The following GFRA1 variants were observed in gnomAD, a reference collection of about 807,000 sequenced individuals.
The protein encoded by GFRA1 is GDNF family receptor alpha-1.
Under a neutral mutation model 51.6 loss-of-function variants are expected in GFRA1, and 16 were observed. That is an observed-to-expected ratio of 0.31 (90% CI 0.21 to 0.47). The LOEUF (loss-of-function observed/expected upper bound fraction) is 0.47, where lower values mean the gene tolerates loss of function less well. GFRA1 is among the 20% of genes least tolerant of loss of function. The pLI is 1.00. For missense variants in GFRA1, 530 were observed against 594.3 expected, an observed-to-expected ratio of 0.89 and a Z score of 1.13; for synonymous variants, 270 against 241.3, an observed-to-expected ratio of 1.12 and a Z score of -1.10.
chr10:116,198,918 T>A (rs946809945), intron 5 of GFRA1, among the ~76,000 whole-genome samples: 2 of 152,158 alleles, frequency 1.3e-5, no homozygotes, highest in Admixed American at 6.5e-5. Context: ...AAGCCCTAAA[T>A]CCCAAATGAC....
At chr10:116,231,867 C>T (rs901416613) in intron 4 of GFRA1, among the ~76,000 whole-genome samples, 5 of 152,198 alleles carry the variant, frequency 3.3e-5, no homozygotes, top group Admixed American at 6.5e-5. Context: ...CGAATTCAAC[C>T]AAGTTGTGAA....
intron 10 of GFRA1, among the ~76,000 whole-genome samples, chr10:116,064,893 T>C (rs1955025718): frequency 6.6e-6 from 1 of 152,174 alleles, no homozygotes; most frequent in African/African-American, 2.4e-5. Context: ...ACTGACAGCG[T>C]TGGAGACAGG....
Position 116,231,154 on chromosome 10 carries a change from C to T in GFRA1, c.419-19509G>A, listed in dbSNP as rs138155237. On this transcript the variant is annotated intron_variant, in intron 4 of 10. Transcript: ENST00000355422. ...AAATGTTCACAGCTGGACTTTAAGC[C>T]GATGCCTGAAAAAGATGCAGGGATT... Among the ~76,000 whole-genome samples, 873 of 152,254 alleles carry T rather than the reference C, an allele frequency of 5.7e-3. 10 individuals carry two copies. The highest frequency in any genetic ancestry group is 0.019 in the African/African-American group (807 of 41,548).
At chr10:116,088,896 G>GGGT (rs1956211683) in intron 9 of GFRA1, among the ~76,000 whole-genome samples, 1 of 128,086 alleles carries the variant, frequency 7.8e-6, no homozygotes. Context: ...ACTCCAGCCT[G>GGGT]GGTGACACAG....
intron 4 of GFRA1, among the ~76,000 whole-genome samples, chr10:116,214,064 C>T (rs180801973): frequency 6.6e-6 from 1 of 152,160 alleles, no homozygotes; most frequent in Admixed American, 6.5e-5. Context: ...TGCCACTGCC[C>T]AGAGACTGTG....
At chr10:116,228,167 C>A (rs1013828673) in intron 4 of GFRA1, among the ~76,000 whole-genome samples, 1 of 152,212 alleles carries the variant, frequency 6.6e-6, no homozygotes, top group Non-Finnish European at 1.5e-5. Flanking sequence ...TCCCACCACC[C>A]CATTATCTCC....
chr10:116,062,297 A>T lies in GFRA1; in HGVS notation c.*2101T>A. ...TACACTCTGTAAGAGATATGCGCTC[A>T]TAGATAACTGGCATTCCAAATATTT... On this transcript the variant is annotated 3_prime_UTR_variant, in exon 11 of 11. Coordinates refer to ENST00000355422, the MANE Select transcript of GFRA1 (RefSeq NM_005264.8). 2.5e-6 allele frequency: 1 copy of T among 395,836 alleles called. No individual in the cohort carries two copies. The highest frequency in any genetic ancestry group is 4.4e-6 in the Non-Finnish European group (1 of 224,766). The allele number at this position is 395,836 out of a possible 1,614,324, so 24.5% of individuals were successfully genotyped here. A position where few individuals can be genotyped will look rare whatever the true frequency, so the allele number is the denominator to read the frequency against.
chr10:116,092,199 G>A (rs943965793), intron 8 of GFRA1, among the ~76,000 whole-genome samples: 3 of 150,716 alleles, frequency 2.0e-5, no homozygotes, highest in Admixed American at 2.0e-4. Context: ...CCCCAATGTC[G>A]TAGTGAAGGT....
intron 4 of GFRA1, among the ~76,000 whole-genome samples, chr10:116,236,933 G>A (rs1378760584): frequency 6.6e-6 from 1 of 152,192 alleles, no homozygotes; most frequent in African/African-American, 2.4e-5. Flanking sequence ...GCTTATTTTT[G>A]AGCCAGGCCT....
chr10:116,068,815 A>AAT (rs1430626410), intron 9 of GFRA1, among the ~76,000 whole-genome samples: 1 of 151,634 alleles, frequency 6.6e-6, no homozygotes, highest in Admixed American at 6.6e-5. Flanking sequence ...AAACAGATAA[A>AAT]ATTGCAGGGC....
chr10:116,243,466 T>C (rs967165041), intron 4 of GFRA1, among the ~76,000 whole-genome samples: 2 of 150,634 alleles, frequency 1.3e-5, no homozygotes, highest in African/African-American at 4.9e-5. Context: ...TACAGGTATA[T>C]AGACAATCTT....
chr10:116,093,932 T>C, intron 7 of GFRA1, 96 bp from the exon 8 acceptor site: 4 of 1,178,156 alleles, frequency 3.4e-6, no homozygotes, highest in Non-Finnish European at 5.1e-6. Flanking sequence ...GGATGCACCG[T>C]GGATAATTAC....
At chr10:116,270,293 T>G (rs1399946967) in intron 3 of GFRA1, among the ~76,000 whole-genome samples, 2 of 152,200 alleles carry the variant, frequency 1.3e-5, no homozygotes, top group African/African-American at 2.4e-5. Flanking sequence ...TAATCTAAGA[T>G]GACAAATGGA....
intron 5 of GFRA1, among the ~76,000 whole-genome samples, chr10:116,180,333 T>C (rs1962089306): frequency 6.6e-6 from 1 of 152,210 alleles, no homozygotes; most frequent in African/African-American, 2.4e-5. Context: ...CAAATACTTA[T>C]ACTGTCCTCA....
In GFRA1 at chr10:116,058,041, T is replaced by TGTGTGTGTGTGTGTGTGAGAGAGA. The variant is rs557175351; in HGVS notation, c.*6356_*6357insTCTCTCTCACACACACACACACAC. The TGTGTGTGTGTGTGTGTGAGAGAGA allele has an allele frequency of 9.2e-6, 1 of 108,444 alleles. No homozygotes were observed. Among genetic ancestry groups the TGTGTGTGTGTGTGTGTGAGAGAGA allele is most frequent in the African/African-American group, 3.8e-5 (1 of 26,588 alleles). The allele number at this position is 108,444 out of a possible 1,614,324, so 6.7% of individuals were successfully genotyped here. A position where few individuals can be genotyped will look rare whatever the true frequency, so the allele number is the denominator to read the frequency against. On this transcript the variant is annotated 3_prime_UTR_variant, in exon 11 of 11. Coordinates refer to ENST00000355422, the MANE Select transcript of GFRA1 (RefSeq NM_005264.8). ...GTGTGTGTGTGTGTGTGTGTGTGTG[T>TGTGTGTGTGTGTGTGTGAGAGAGA]GACAGAGAGAACCACGCTTTATTGG...
chr10:116,185,954 A>G (rs778104472), intron 5 of GFRA1, among the ~76,000 whole-genome samples: 1 of 152,146 alleles, frequency 6.6e-6, no homozygotes, highest in African/African-American at 2.4e-5. Flanking sequence ...AGTCTGGTAT[A>G]CCTCCAGGAA....
chr10:116,202,181 G>C (rs1964388155), intron 5 of GFRA1, among the ~76,000 whole-genome samples: 1 of 152,190 alleles, frequency 6.6e-6, no homozygotes, highest in Non-Finnish European at 1.5e-5. Flanking sequence ...GGTGTGGGAA[G>C]CCAGATGTGT....
rs1565545276 is a variant in GFRA1, at chr10:116,062,971, T to C, written c.*1427A>G. ...CCTTCTCTTCTAACATGGTCTGCAG[T>C]CTGTCACGGAGGACATGAAACAAGA... On this transcript the variant is annotated 3_prime_UTR_variant, in exon 11 of 11. Coordinates refer to ENST00000355422, the MANE Select transcript of GFRA1 (RefSeq NM_005264.8). 1 of 152,374 alleles carries C rather than the reference T, an allele frequency of 6.6e-6. No homozygotes were observed. Among genetic ancestry groups the C allele is most frequent in the East Asian group, 1.9e-4 (1 of 5,180 alleles). 9.4% of individuals were successfully genotyped at this position (152,374 alleles called of 1,614,324 possible).
intron 9 of GFRA1, 142 bp from the exon 10 acceptor site, chr10:116,065,768 T>G: frequency 3.0e-6 from 2 of 669,592 alleles, no homozygotes; most frequent in South Asian, 3.3e-5. Context: ...TTGAACATTT[T>G]CTAGTAGCCA....
Sources: allele counts gnomAD v4.1 joint callset (sites outside exome capture counted in the v4.1 genomes callset), GRCh38; gene constraint gnomAD v4.1.1; transcripts MANE v1.5; gene names NCBI Gene and HGNC (gene_info 2026-07-23, HGNC 2026-07-21).